Variants in THADA observed in about 807,000 individuals in gnomAD.
The protein encoded by THADA is THADA armadillo repeat containing.
Under a neutral mutation model 219.8 loss-of-function variants are expected in THADA, and 213 were observed. The ratio of observed to expected loss-of-function variants is 0.97; its 90% confidence interval spans 0.87 to 1.09. THADA has a LOEUF of 1.09. THADA is among the 50% of genes least tolerant of loss of function. THADA has a pLI of 0.00. For missense variants in THADA, 2,956 were observed against 2,311.3 expected (o/e 1.28, Z -5.72); for synonymous variants, 1,018 against 828.9 (o/e 1.23, Z -3.92).
intron 28 of THADA, among the ~76,000 whole-genome samples, chr2:43,404,318 G>A (rs1049523029): frequency 3.3e-5 from 5 of 151,448 alleles, no homozygotes; most frequent in Admixed American, 2.0e-4. Flanking sequence ...TCAGCCTCCT[G>A]AATAGCTGGG....
At chr2:43,345,705 T>G (rs1406790530) in intron 29 of THADA, among the ~76,000 whole-genome samples, 1 of 152,224 alleles carries the variant, frequency 6.6e-6, no homozygotes, top group East Asian at 1.9e-4. Flanking sequence ...GGCTTTGCTT[T>G]ACTTTTCTCT....
intron 31 of THADA, among the ~76,000 whole-genome samples, chr2:43,297,547 T>G (rs1386683066): frequency 2.8e-5 from 2 of 72,506 alleles, no homozygotes; most frequent in African/African-American, 1.5e-4. Flanking sequence ...GGGAGGGAGG[T>G]GGGGGGGTCA....
intron 29 of THADA, among the ~76,000 whole-genome samples, chr2:43,350,775 G>C (rs1427282798): frequency 1.3e-5 from 2 of 152,206 alleles, no homozygotes; most frequent in Non-Finnish European, 2.9e-5. Flanking sequence ...CATTTCATGT[G>C]GTTGCTTCCC....
At chr2:43,249,394 G>A (rs1281767820) in intron 36 of THADA, among the ~76,000 whole-genome samples, 3 of 152,142 alleles carry the variant, frequency 2.0e-5, no homozygotes, top group Non-Finnish European at 4.4e-5. Flanking sequence ...GCCAATGATG[G>A]TAGCTTTCTA....
chr2:43,484,449 G>A (rs923618310), intron 26 of THADA: 6 of 169,016 alleles, frequency 3.5e-5, no homozygotes, highest in Non-Finnish European at 5.9e-5. Flanking sequence ...GGGCCAAACT[G>A]GATCCTAAAT....
chr2:43,527,944 G>C lies in THADA; in HGVS notation c.3309C>G (p.Ser1103=), dbSNP rs766078973. 6 of 1,613,430 alleles carry C rather than the reference G, an allele frequency of 3.7e-6. No homozygotes were observed. In the South Asian group the frequency reaches 6.6e-5, roughly 18 times the overall value. The part of the protein sequence containing the change: ...GDYFKQHLLQ[S]RHRGAFELAY... ...CCAATTCAAATGCTCCTCTGTGCCT[G>C]GACTGCAAAAGGTGTTGTTTAAAGT... The change falls in exon 22 of 38, where the codon TCC becomes TCG. Residue 1103 remains serine (S), a synonymous_variant. Transcript: ENST00000405975.
At chr2:43,568,054 T>C (rs1013966720) in intron 14 of THADA, among the ~76,000 whole-genome samples, 8 of 152,222 alleles carry the variant, frequency 5.3e-5, no homozygotes, top group Non-Finnish European at 7.4e-5. Context: ...TACTGAGATT[T>C]TGGAGTCAAG....
chr2:43,389,146 C>T (rs1673052866), intron 29 of THADA, among the ~76,000 whole-genome samples: 1 of 152,104 alleles, frequency 6.6e-6, no homozygotes, highest in African/African-American at 2.4e-5. Flanking sequence ...AGTAACTCAC[C>T]CAAAATAACA....
At chr2:43,375,602 A>G (rs1671280824) in intron 29 of THADA, among the ~76,000 whole-genome samples, 1 of 152,224 alleles carries the variant, frequency 6.6e-6, no homozygotes. Flanking sequence ...TGAAGCTAGC[A>G]TGCACTTCAA....
intron 31 of THADA, among the ~76,000 whole-genome samples, chr2:43,297,140 C>T (rs1280017693): frequency 2.1e-5 from 2 of 95,212 alleles, no homozygotes; most frequent in Non-Finnish European, 4.2e-5. Flanking sequence ...TGAGGAGCGT[C>T]TCTGCCCGGC....
At chr2:43,397,118 G>A (rs1002457214) in intron 29 of THADA, among the ~76,000 whole-genome samples, 6 of 151,696 alleles carry the variant, frequency 4.0e-5, no homozygotes, top group African/African-American at 1.5e-4. Flanking sequence ...TTCACACCCA[G>A]GCAGTCTGGC....
rs530185646 is a variant in THADA at position 43,457,091 on chromosome 2, T to C, written c.3837-26789A>G. On this transcript the variant is annotated intron_variant, in intron 26 of 37. Transcript: ENST00000405975. Reference sequence around the variant, plus strand: ...CCAGGAAGACAGCTATGAAGTGGGATAGAATGTTCCACATCGGTAGAAAAA... The same window carrying C: ...CCAGGAAGACAGCTATGAAGTGGGACAGAATGTTCCACATCGGTAGAAAAA... 3.4e-4 allele frequency among the ~76,000 whole-genome samples: 50 copies of C among 146,920 alleles called. 1 individual carries two copies. The East Asian group carries it at 5.4e-3, about 16-fold the overall frequency.
At chr2:43,539,435 C>G (rs543433100) in intron 21 of THADA, among the ~76,000 whole-genome samples, 184 of 152,270 alleles carry the variant, frequency 1.2e-3, no homozygotes, top group Non-Finnish European at 2.1e-4. Flanking sequence ...TGTTTAAAAG[C>G]AGGAATTCTC....
At chr2:43,474,074 G>A (rs13396401) in intron 26 of THADA, among the ~76,000 whole-genome samples, 21,463 of 152,108 alleles carry the variant, frequency 0.14, 2,025 homozygotes, top group African/African-American at 0.27. Context: ...GTCTGTCATT[G>A]ACTGAAATGT....
chr2:43,500,984 T>C (rs760077236), intron 24 of THADA, among the ~76,000 whole-genome samples: 17 of 151,818 alleles, frequency 1.1e-4, no homozygotes, highest in Non-Finnish European at 2.4e-4. Flanking sequence ...AAAAAAGACA[T>C]TAGAAATAAA....
chr2:43,527,288 T>G (rs1693283014), intron 22 of THADA, among the ~76,000 whole-genome samples: 1 of 152,200 alleles, frequency 6.6e-6, no homozygotes, highest in Non-Finnish European at 1.5e-5. Flanking sequence ...AATTTAAGGT[T>G]TCCCCACAAG....
intron 35 of THADA, among the ~76,000 whole-genome samples, chr2:43,286,547 C>G (rs1181772434): frequency 6.6e-6 from 1 of 151,960 alleles, no homozygotes; most frequent in Non-Finnish European, 1.5e-5. Flanking sequence ...TCGAGACCAG[C>G]CTGGCCAATA....
chr2:43,283,133 A>G (rs1673562307), intron 35 of THADA, among the ~76,000 whole-genome samples: 1 of 152,204 alleles, frequency 6.6e-6, no homozygotes, highest in African/African-American at 2.4e-5. Context: ...CTGCTCTGCC[A>G]TGGGAAGCTG....
intron 22 of THADA, among the ~76,000 whole-genome samples, chr2:43,527,115 A>C (rs1693258725): frequency 6.6e-6 from 1 of 152,234 alleles, no homozygotes; most frequent in Admixed American, 6.5e-5. Flanking sequence ...AAAATATTCA[A>C]GGAATAGATG....
Sources: gnomAD v4.1 joint callset for allele counts (sites outside exome capture counted in the v4.1 genomes callset) on GRCh38, gnomAD v4.1.1 for gene constraint, MANE v1.5 for transcripts, NCBI Gene and HGNC (gene_info 2026-07-23, HGNC 2026-07-21) for gene names.